HMOX2: variants seen among roughly 807,000 people sequenced by gnomAD.
HMOX2 encodes heme oxygenase (decycling) 2.
Under a neutral mutation model 33.7 loss-of-function variants are expected in HMOX2, and 30 were observed. The observed-to-expected ratio is 0.89, with a 90% CI of 0.67 to 1.21. The LOEUF (loss-of-function observed/expected upper bound fraction) is 1.21, where lower values mean the gene tolerates loss of function less well. Ranked by LOEUF, HMOX2 falls within the 50% of genes most tolerant of loss-of-function variation. The pLI is 0.00. For missense variants in HMOX2, 403 were observed against 399.1 expected, an observed-to-expected ratio of 1.01 and a Z score of -0.08; for synonymous variants, 155 against 155.0, an observed-to-expected ratio of 1.00 and a Z score of 0.00.
intron 1 of HMOX2, among the ~76,000 whole-genome samples, chr16:4,486,843 T>A (rs2058180736): frequency 2.0e-5 from 3 of 152,258 alleles, no homozygotes; most frequent in South Asian, 4.1e-4. Flanking sequence ...CTCAAGGTCC[T>A]GAGGGGAATG....
chr16:4,475,414 TCTC>T (rs1435070842), upstream of HMOX2, among the ~76,000 whole-genome samples: 4 of 151,726 alleles, frequency 2.6e-5, no homozygotes, highest in African/African-American at 9.7e-5. Context: ...TTCAAGTGAT[TCTC>T]CTGCCTCAGT....
intron 1 of HMOX2, among the ~76,000 whole-genome samples, chr16:4,500,107 T>C (rs777973960): frequency 1.3e-5 from 2 of 152,164 alleles, no homozygotes; most frequent in Non-Finnish European, 2.9e-5. Context: ...ATCTCTCTTG[T>C]AGGAAGCTTT....
chr16:4,490,273 C>T (rs1457507067), intron 1 of HMOX2, among the ~76,000 whole-genome samples: 2 of 152,146 alleles, frequency 1.3e-5, no homozygotes, highest in East Asian at 3.8e-4. Flanking sequence ...AAGAGGGGAG[C>T]TGTTCTGACT....
chr16:4,480,618 G>A (rs918170042), intron 1 of HMOX2, among the ~76,000 whole-genome samples: 5 of 149,782 alleles, frequency 3.3e-5, no homozygotes, highest in Non-Finnish European at 7.4e-5. Context: ...TAGAATTAGA[G>A]GTGGAGCGAC....
intron 1 of HMOX2, 83 bp from the exon 2 acceptor site, chr16:4,505,401 G>C: frequency 1.6e-6 from 1 of 640,482 alleles, no homozygotes; most frequent in South Asian, 2.0e-5. Context: ...GGTTACATTC[G>C]CTCTGAGGAA....
chr16:4,481,987 G>C (rs2058043635), intron 1 of HMOX2: 1 of 152,180 alleles, frequency 6.6e-6, no homozygotes, highest in African/African-American at 2.4e-5. Context: ...GTGTGGCCTG[G>C]GTGGTCATCT....
intron 1 of HMOX2, among the ~76,000 whole-genome samples, chr16:4,494,433 GA>G (rs1383165090): frequency 1.3e-5 from 2 of 152,146 alleles, no homozygotes; most frequent in South Asian, 2.1e-4. Flanking sequence ...TGAAGAGCTG[GA>G]GTGTCTAGAA....
At chr16:4,496,507 G>A (rs1049250663) in intron 1 of HMOX2, 5 of 152,306 alleles carry the variant, frequency 3.3e-5, no homozygotes, top group South Asian at 2.1e-4. Flanking sequence ...AGTGTGGTAC[G>A]AGTGCCTCTG....
chr16:4,507,986 G>GA lies in HMOX2; in HGVS notation c.479dup (p.Asp160GlufsTer31). The GA allele has an allele frequency of 1.2e-6, 2 of 1,614,038 alleles. No individual in the cohort carries two copies. Among genetic ancestry groups the GA allele is most frequent in the Non-Finnish European group, 8.5e-7 (1 of 1,179,996 alleles). On this transcript the variant is annotated frameshift_variant, in exon 4 of 6. Transcript: ENST00000570646. LOFTEE classifies it high-confidence loss of function. The stretch of plus-strand genomic sequence containing the variant: ...CCATGCATACACCCGCTACATGGGG[G>GA]ATCTCTCGGGGGGCCAGGTGCTGAA...
At chr16:4,508,327 G>C in intron 4 of HMOX2, 123 bp downstream of exon 4, 2 of 1,175,064 alleles carry the variant, frequency 1.7e-6, no homozygotes, top group Non-Finnish European at 2.4e-6. Context: ...GGTGCCGAGA[G>C]GAAGGTGGCC....
intron 1 of HMOX2, among the ~76,000 whole-genome samples, chr16:4,491,475 C>A (rs2058303936): frequency 6.6e-6 from 1 of 151,880 alleles, no homozygotes. Flanking sequence ...CATGGTGAAA[C>A]CCCATCTCTA....
rs375791662 is a variant in HMOX2, at chr16:4,507,056, G to A, written c.204+44G>A. On this transcript the variant is annotated intron_variant, in intron 3 of 5. Transcript: ENST00000570646. ...GTTCCAGACTGTCATATGGGGTTGG[G>A]GTGGGGGCCTTGGTCCCATGAGAAA... 72 of 1,315,380 alleles carry A rather than the reference G, an allele frequency of 5.5e-5. No homozygotes were observed. The East Asian group carries it at 1.5e-3, about 27-fold the overall frequency. The allele number at this position is 1,315,380 out of a possible 1,614,324, so 81.5% of individuals were successfully genotyped here.
rs1230951808 is a variant in HMOX2 at position 4,500,752 on chromosome 16, T to C, written c.-41-4732T>C. Among the ~76,000 whole-genome samples the C allele has an allele frequency of 5.3e-5, 8 of 152,336 alleles. No homozygotes were observed. The East Asian group carries it at 1.2e-3, about 22-fold the overall frequency. On this transcript the variant is annotated intron_variant, in intron 1 of 5. Coordinates refer to ENST00000570646, the MANE Select transcript of HMOX2 (RefSeq NM_002134.4). ...TTCGTTGTCTCAGAAGTCCTGGTAGTGCCTCATGCCAGCAATTTAGCAGGA... is the reference window on the plus strand; with the variant it reads ...TTCGTTGTCTCAGAAGTCCTGGTAGCGCCTCATGCCAGCAATTTAGCAGGA...
chr16:4,507,751 C>G lies in HMOX2; in HGVS notation c.243C>G (p.Leu81=). The G allele has an allele frequency of 6.2e-7, 1 of 1,614,122 alleles. No homozygotes were observed. Among genetic ancestry groups the G allele is most frequent in the Admixed American group, 1.7e-5 (1 of 60,018 alleles). Residue 81 remains leucine, a synonymous_variant, in exon 4 of 6, where the codon CTC becomes CTG. Transcript: ENST00000570646. ...CACTTTACTTCACATACTCAGCCCT[C>G]GAGGAGGAAATGGAGCGCAACAAGG... ...TTALYFTYSA[L]EEEMERNKDH...
chr16:4,492,204 C>T (rs1390594759), intron 1 of HMOX2, among the ~76,000 whole-genome samples: 5 of 151,690 alleles, frequency 3.3e-5, no homozygotes, highest in South Asian at 2.1e-4. Context: ...CATAGTGGTG[C>T]GCACATGTAG....
chr16:4,487,954 A>G (rs1201071904), intron 1 of HMOX2, among the ~76,000 whole-genome samples: 1 of 118,838 alleles, frequency 8.4e-6, no homozygotes, highest in Non-Finnish European at 1.6e-5. Context: ...TCTGTCTCAA[A>G]AAAAAAAAAA....
chr16:4,505,607 T>C lies in HMOX2; in HGVS notation c.83T>C (p.Met28Thr). Reference protein sequence around the residue: ...NSGALEKENQMRMADLSELLK... With the variant: ...NSGALEKENQTRMADLSELLK... ...GGGGCCCTAGAAAAGGAGAACCAAA[T>C]GAGGTGAGCGATGGGGGCTGGCTGC... The change falls in exon 2 of 6, where the codon ATG becomes ACG. Residue 28 changes from methionine to threonine, a missense_variant. Transcript: ENST00000570646. The C allele has an allele frequency of 6.3e-7, 1 of 1,590,124 alleles. No homozygotes were observed. Among genetic ancestry groups the C allele is most frequent in the Non-Finnish European group, 8.6e-7 (1 of 1,166,370 alleles).
chr16:4,501,408 A>G (rs904713027), intron 1 of HMOX2, among the ~76,000 whole-genome samples: 8 of 152,192 alleles, frequency 5.3e-5, no homozygotes, highest in African/African-American at 1.7e-4. Flanking sequence ...CCAGGATTCC[A>G]TTGTTGACTG....
Position 4,510,017 on chromosome 16 carries a change from C to T in HMOX2, c.*261C>T, listed in dbSNP as rs1166796887. The T allele has an allele frequency of 1.9e-6, 1 of 521,218 alleles. No homozygotes were observed. The highest frequency in any genetic ancestry group is 3.4e-6 in the Non-Finnish European group (1 of 290,224). The allele number at this position is 521,218 out of a possible 1,614,324, so 32.3% of individuals were successfully genotyped here. A position where few individuals can be genotyped will look rare whatever the true frequency, so the allele number is the denominator to read the frequency against. On this transcript the variant is annotated 3_prime_UTR_variant, in exon 6 of 6. Coordinates refer to ENST00000570646, the MANE Select transcript of HMOX2 (RefSeq NM_002134.4). ...CCTGGCCCCCGACCCAGCTCTACTC[C>T]AGGCTTCCACACTTCTGGGCCCTAG... is the stretch of plus-strand genomic sequence containing the variant.
Sources: gnomAD v4.1 joint callset for allele counts (sites outside exome capture counted in the v4.1 genomes callset) on GRCh38, gnomAD v4.1.1 for gene constraint, MANE v1.5 for transcripts, NCBI Gene and HGNC (gene_info 2026-07-23, HGNC 2026-07-21) for gene names.